IGF2BP3: variants seen among roughly 807,000 people sequenced by gnomAD.
IGF2BP3 encodes insulin-like growth factor 2 mRNA-binding protein 3.
IGF2BP3 carries 9 observed loss-of-function variants against 73.8 expected under a neutral mutation model. The ratio of observed to expected loss-of-function variants is 0.12; its 90% CI spans 0.07 to 0.21. IGF2BP3 has a LOEUF of 0.21. Among genes scored for constraint, IGF2BP3 ranks in the 10% least tolerant of loss-of-function variants. IGF2BP3 has a pLI of 1.00. For missense variants in IGF2BP3, 542 were observed against 714.0 expected, an observed-to-expected ratio of 0.76 and a Z score of 2.75; for synonymous variants, 258 against 256.7, an observed-to-expected ratio of 1.01 and a Z score of -0.05.
chr7:23,312,055 GA>G lies in IGF2BP3; in HGVS notation c.*306del. On this transcript the variant is annotated 3_prime_UTR_variant, in exon 15 of 15. Transcript: ENST00000258729. ...TATGGGGGAATATTAAGAAGAATTA[GA>G]ATATCTGTTATACTGTGAGACTACA... 3.6e-6 allele frequency: 1 copy of G among 279,078 alleles called. No individual in the cohort carries two copies. The highest frequency in any genetic ancestry group is 6.3e-5 in the East Asian group (1 of 15,756). 17.3% of individuals were successfully genotyped at this position (279,078 alleles called of 1,614,324 possible).
intron 8 of IGF2BP3, 32 bp downstream of exon 8, chr7:23,345,908 G>A (rs1223898438): frequency 1.2e-6 from 2 of 1,605,088 alleles, no homozygotes; most frequent in Middle Eastern, 2.2e-4. Context: ...GTGTTGGAAA[G>A]TTTTCTTATT....
At chr7:23,329,082 G>A (rs1437250226) in intron 10 of IGF2BP3, among the ~76,000 whole-genome samples, 2 of 151,756 alleles carry the variant, frequency 1.3e-5, no homozygotes, top group South Asian at 2.1e-4. Context: ...GTGTGGTGGC[G>A]GGCACCTGTA....
intron 3 of IGF2BP3, among the ~76,000 whole-genome samples, chr7:23,387,051 G>A (rs1786105077): frequency 6.7e-6 from 1 of 149,000 alleles, no homozygotes; most frequent in South Asian, 2.1e-4. Context: ...TAGCAACACG[G>A]CAAGACTCTG....
chr7:23,421,596 G>A (rs545147076), intron 2 of IGF2BP3, among the ~76,000 whole-genome samples: 2 of 150,544 alleles, frequency 1.3e-5, no homozygotes, highest in South Asian at 4.2e-4. Context: ...GGAGGCTGAG[G>A]CAGGAGAATT....
chr7:23,401,182 G>C (rs1276644510), intron 3 of IGF2BP3, among the ~76,000 whole-genome samples: 1 of 152,168 alleles, frequency 6.6e-6, no homozygotes, highest in Non-Finnish European at 1.5e-5. Context: ...GTAACTAAAA[G>C]TAAGGACACC....
At chr7:23,346,176 G>A (rs182918318) in intron 7 of IGF2BP3, 114 bp from the exon 8 acceptor site, 12 of 1,190,460 alleles carry the variant, frequency 1.0e-5, no homozygotes, top group African/African-American at 3.1e-5. Context: ...GAAGCACTGT[G>A]TTAGGTACAG....
intron 10 of IGF2BP3, among the ~76,000 whole-genome samples, chr7:23,334,530 C>T (rs541153510): frequency 9.9e-5 from 15 of 152,274 alleles, no homozygotes; most frequent in African/African-American, 3.4e-4. Context: ...TTAGCGTTAC[C>T]CAGTCTTGTT....
intron 3 of IGF2BP3, among the ~76,000 whole-genome samples, chr7:23,393,905 A>T (rs1786365533): frequency 6.6e-6 from 1 of 152,204 alleles, no homozygotes; most frequent in African/African-American, 2.4e-5. Flanking sequence ...GATTCCCAGC[A>T]GTGACCTTCA....
At chr7:23,327,989 G>C (rs1784349636) in intron 10 of IGF2BP3, among the ~76,000 whole-genome samples, 1 of 152,102 alleles carries the variant, frequency 6.6e-6, no homozygotes, top group Admixed American at 6.6e-5. Flanking sequence ...GTAGGTCACA[G>C]TTTACTCACC....
chr7:23,430,488 C>T (rs996851332), intron 2 of IGF2BP3, among the ~76,000 whole-genome samples: 4 of 152,374 alleles, frequency 2.6e-5, no homozygotes, highest in African/African-American at 9.6e-5. Context: ...CAACCCGCCA[C>T]TTGGTGGCAC....
At chr7:23,362,357 T>C (rs1277879935) in intron 3 of IGF2BP3, among the ~76,000 whole-genome samples, 1 of 152,204 alleles carries the variant, frequency 6.6e-6, no homozygotes. Context: ...ACAAAACAGA[T>C]TGCTCAAGGC....
intron 3 of IGF2BP3, among the ~76,000 whole-genome samples, chr7:23,364,522 T>G (rs1583939414): frequency 9.2e-6 from 1 of 108,416 alleles, no homozygotes; most frequent in Non-Finnish European, 1.7e-5. Flanking sequence ...CATTCCAGCC[T>G]GGGAAACAGA....
intron 3 of IGF2BP3, chr7:23,416,351 G>A (rs1480895837): frequency 1.3e-5 from 2 of 152,148 alleles, no homozygotes; most frequent in African/African-American, 4.8e-5. Flanking sequence ...ATCCTCTTGA[G>A]TCTTACTCTG....
At position 23,469,417 on chromosome 7, in the gene IGF2BP3, C is replaced by T. The variant is rs1788653254; in HGVS notation, c.175+519G>A. 1 of 152,344 alleles carries T rather than the reference C, an allele frequency of 6.6e-6. No homozygotes were observed. The highest frequency in any genetic ancestry group is 1.5e-5 in the Non-Finnish European group (1 of 68,172). 9.4% of individuals were successfully genotyped at this position (152,344 alleles called of 1,614,324 possible). On this transcript the variant is annotated intron_variant, in intron 1 of 14. Coordinates refer to ENST00000258729, the MANE Select transcript of IGF2BP3 (RefSeq NM_006547.3). This position sits in a 1 kb window ranked among gnomAD's most constrained non-coding sequence, Gnocchi z 6.1. ...CCTCCCACAGGGTGGGGAGGAAGCG[C>T]GGGGCCGCCTGTGCGAGGCACCAGC...
At chr7:23,399,439 T>C (rs1583992655) in intron 3 of IGF2BP3, among the ~76,000 whole-genome samples, 1 of 149,582 alleles carries the variant, frequency 6.7e-6, no homozygotes, top group East Asian at 1.9e-4. Flanking sequence ...GAGGAAACCA[T>C]GAAAGCCAAG....
intron 2 of IGF2BP3, among the ~76,000 whole-genome samples, chr7:23,439,481 T>C (rs1480740132): frequency 7.6e-6 from 1 of 131,718 alleles, no homozygotes; most frequent in Non-Finnish European, 1.5e-5. Flanking sequence ...ATGGCGTGAG[T>C]AGGGGGCGGA....
intron 3 of IGF2BP3, among the ~76,000 whole-genome samples, chr7:23,404,159 G>A (rs1437696009): frequency 6.7e-6 from 1 of 150,298 alleles, no homozygotes. Flanking sequence ...AAAAAAAAAA[G>A]AGGTTCGCAT....
At chr7:23,394,894 T>G (rs1037840642) in intron 3 of IGF2BP3, among the ~76,000 whole-genome samples, 2 of 152,210 alleles carry the variant, frequency 1.3e-5, no homozygotes, top group Non-Finnish European at 1.5e-5. Context: ...GTCAGAAATG[T>G]TTGTTCAGCT....
At chr7:23,379,904 T>C (rs1390809838) in intron 3 of IGF2BP3, among the ~76,000 whole-genome samples, 1 of 152,160 alleles carries the variant, frequency 6.6e-6, no homozygotes, top group Non-Finnish European at 1.5e-5. Context: ...CATGCATCTC[T>C]TATTGTTAAC....
Sources: allele counts gnomAD v4.1 joint callset (sites outside exome capture counted in the v4.1 genomes callset), GRCh38; gene constraint gnomAD v4.1.1; non-coding constraint Gnocchi (gnomAD v3.1); transcripts MANE v1.5; gene names NCBI Gene and HGNC (gene_info 2026-07-23, HGNC 2026-07-21).